The following CFAP36 variants were observed in gnomAD, a reference collection of about 807,000 sequenced individuals.
CFAP36 encodes cilia- and flagella-associated protein 36.
A neutral mutation model predicts 50.5 loss-of-function variants in CFAP36; 37 were observed. The ratio of observed to expected loss-of-function variants is 0.73; its 90% CI spans 0.56 to 0.96. The LOEUF (loss-of-function observed/expected upper bound fraction) is 0.96, where lower values mean the gene tolerates loss of function less well. CFAP36 is among the 50% of genes least tolerant of loss of function. The probability of loss-of-function intolerance (pLI) is 0.00; values close to 1 mark genes in which losing one functional copy is unlikely to be tolerated. For synonymous variants in CFAP36, 138 were observed against 128.2 expected, an observed-to-expected ratio of 1.08 and a Z score of -0.52; for missense variants, 407 against 396.2, an observed-to-expected ratio of 1.03 and a Z score of -0.23.
rs186173871 is a variant in CFAP36 at position 55,526,554 on chromosome 2, G to A, written c.283-2324G>A. Among the ~76,000 whole-genome samples the A allele has an allele frequency of 6.4e-4, 98 of 152,266 alleles. 1 individual carries two copies. The highest frequency in any genetic ancestry group is 1.2e-3 in the Non-Finnish European group (84 of 68,018). ...ACTCCTGGGTTCAAGTGAATCTCCTGCCTCAGCCTCCTGAGTAGCTAGGAC... is the reference window on the plus strand; with the variant it reads ...ACTCCTGGGTTCAAGTGAATCTCCTACCTCAGCCTCCTGAGTAGCTAGGAC... On this transcript the variant is annotated intron_variant, in intron 3 of 9. Coordinates refer to ENST00000349456, the MANE Select transcript of CFAP36 (RefSeq NM_080667.7).
chr2:55,544,437 G>C, intron 9 of CFAP36, 68 bp downstream of exon 9: 4 of 1,495,340 alleles, frequency 2.7e-6, no homozygotes, highest in South Asian at 1.3e-5. Context: ...CAGAATATGT[G>C]CAAGAAAGCC....
intron 4 of CFAP36, chr2:55,531,243 C>G (rs2103648702): frequency 6.6e-6 from 1 of 152,280 alleles, no homozygotes; most frequent in South Asian, 2.1e-4. Context: ...ATGCTTTATT[C>G]TGACTTACGG....
At chr2:55,528,758 CATAA>C (rs1252921509) in intron 3 of CFAP36, 116 bp from the exon 4 acceptor site, 2 of 595,854 alleles carry the variant, frequency 3.4e-6, no homozygotes, top group Admixed American at 6.8e-5. Context: ...GACATCTAAT[CATAA>C]ATAACAATGT....
chr2:55,537,690 G>A, intron 7 of CFAP36, 105 bp downstream of exon 7: 1 of 751,844 alleles, frequency 1.3e-6, no homozygotes, highest in Non-Finnish European at 2.1e-6. Context: ...GCCCTGGGAG[G>A]GAGTATTGAA....
intron 7 of CFAP36, among the ~76,000 whole-genome samples, chr2:55,538,481 A>T (rs368458541): frequency 6.6e-6 from 1 of 151,996 alleles, no homozygotes; most frequent in Non-Finnish European, 1.5e-5. Context: ...TTTAGTAGAG[A>T]TGGGGTTTCT....
chr2:55,521,369 G>T (rs1257946822), intron 1 of CFAP36, among the ~76,000 whole-genome samples: 1 of 151,030 alleles, frequency 6.6e-6, no homozygotes, highest in Non-Finnish European at 1.5e-5. Flanking sequence ...AAAATTGCCT[G>T]GTCACTTTCA....
chr2:55,524,203 C>G (rs1684142703), intron 3 of CFAP36, among the ~76,000 whole-genome samples: 1 of 152,152 alleles, frequency 6.6e-6, no homozygotes, highest in South Asian at 2.1e-4. Context: ...TATTATCTTA[C>G]TGGTTGTGTA....
intron 7 of CFAP36, among the ~76,000 whole-genome samples, chr2:55,542,126 T>C (rs188295339): frequency 6.6e-4 from 100 of 152,336 alleles, no homozygotes; most frequent in African/African-American, 2.3e-3. Flanking sequence ...CAAATTAACT[T>C]TGTTTTATAT....
chr2:55,520,285 A>C, intron 1 of CFAP36: 1 of 912,840 alleles, frequency 1.1e-6, no homozygotes, highest in South Asian at 1.9e-5. Flanking sequence ...GGCTTCTTCA[A>C]CAGCTTTGCC....
At position 55,529,003 on chromosome 2, in the gene CFAP36, G is replaced by A. The variant is rs754050824; in HGVS notation, c.397+11G>A. 1 of 1,582,064 alleles carries A rather than the reference G, an allele frequency of 6.3e-7. No individual in the cohort carries two copies. Among genetic ancestry groups the A allele is most frequent in the East Asian group, 2.2e-5 (1 of 44,460 alleles). ...TTCAAGAGAGAAATGGTAAAATGTT[G>A]AAGTTAGAAATCTAAGTACTAAATG... On this transcript the variant is annotated intron_variant, in intron 4 of 9. Transcript: ENST00000349456.
At chr2:55,535,615 T>G (rs1264012554) in intron 5 of CFAP36, 97 bp from the exon 6 acceptor site, 9 of 925,292 alleles carry the variant, frequency 9.7e-6, no homozygotes, top group Non-Finnish European at 1.4e-5. Flanking sequence ...AATGTGCCTT[T>G]TATTGTAAGC....
chr2:55,536,872 G>A (rs1465350353), intron 6 of CFAP36, among the ~76,000 whole-genome samples: 2 of 151,602 alleles, frequency 1.3e-5, no homozygotes, highest in East Asian at 1.9e-4. Flanking sequence ...AGCCTCCCCA[G>A]TAGCTGGGAT....
intron 6 of CFAP36, 99 bp downstream of exon 6, chr2:55,535,862 A>T: frequency 1.4e-6 from 2 of 1,439,478 alleles, no homozygotes; most frequent in Non-Finnish European, 1.8e-6. Flanking sequence ...ATGTGGAACT[A>T]CATAATTTTA....
chr2:55,520,332 C>T (rs1278643065), intron 1 of CFAP36: 1 of 1,340,220 alleles, frequency 7.5e-7, no homozygotes, highest in Non-Finnish European at 1.0e-6. Context: ...ACCTGAGTTC[C>T]TTATGATCCC....
chr2:55,543,788 G>T, intron 7 of CFAP36, 150 bp from the exon 8 acceptor site: 1 of 754,042 alleles, frequency 1.3e-6, no homozygotes, highest in Non-Finnish European at 2.2e-6. Context: ...CCCAGTGGCT[G>T]GCACAGTATA....
chr2:55,529,745 T>A (rs182402516), intron 4 of CFAP36, among the ~76,000 whole-genome samples: 31 of 151,888 alleles, frequency 2.0e-4, no homozygotes, highest in African/African-American at 7.0e-4. Flanking sequence ...CTTGCGGGTT[T>A]ACACCATTCT....
chr2:55,527,553 G>A (rs1207061262), intron 3 of CFAP36, among the ~76,000 whole-genome samples: 1 of 152,018 alleles, frequency 6.6e-6, no homozygotes, highest in Non-Finnish European at 1.5e-5. Context: ...CTGCACTCCA[G>A]CCTGGGTGAC....
chr2:55,541,861 G>A (rs1684647694), intron 7 of CFAP36, among the ~76,000 whole-genome samples: 1 of 151,782 alleles, frequency 6.6e-6, no homozygotes. Context: ...TCTTTATGAA[G>A]TTGAGGAAGT....
chr2:55,539,458 T>A (rs1161673730), intron 7 of CFAP36: 1 of 152,250 alleles, frequency 6.6e-6, no homozygotes, highest in Admixed American at 6.5e-5. Flanking sequence ...GTAGCTCATT[T>A]CTTTTTAGTG....
Sources: allele counts gnomAD v4.1 joint callset (sites outside exome capture counted in the v4.1 genomes callset), GRCh38; gene constraint gnomAD v4.1.1; transcripts MANE v1.5; gene names NCBI Gene and HGNC (gene_info 2026-07-23, HGNC 2026-07-21).